TBCK: variants seen among roughly 807,000 people sequenced by gnomAD.
TBCK encodes the protein TBC1 domain containing kinase.
TBCK carries 99 observed loss-of-function variants against 113.4 expected under a neutral mutation model. The ratio of observed to expected loss-of-function variants is 0.87; its 90% CI spans 0.74 to 1.03. TBCK has a LOEUF of 1.03. TBCK is among the 50% of genes least tolerant of loss of function. The pLI, the probability that TBCK is intolerant of heterozygous loss-of-function variation, is 0.00. For missense variants in TBCK, 1,045 were observed against 1,061.3 expected (o/e 0.98, Z 0.21); for synonymous variants, 369 against 370.8 (o/e 1.00, Z 0.05).
chr4:106,272,494 T>A (rs1298113876), intron 3 of TBCK, among the ~76,000 whole-genome samples: 2 of 147,438 alleles, frequency 1.4e-5, no homozygotes, highest in Non-Finnish European at 3.0e-5. Flanking sequence ...TTTAATTTTT[T>A]TTTTTTTTTT....
chr4:106,234,835 G>A (rs761104700), intron 15 of TBCK, among the ~76,000 whole-genome samples: 2 of 152,008 alleles, frequency 1.3e-5, no homozygotes, highest in Non-Finnish European at 2.9e-5. Context: ...AGTCCAGGTG[G>A]AATAGGTGTG....
intron 19 of TBCK, among the ~76,000 whole-genome samples, chr4:106,224,121 A>G (rs1369312690): frequency 6.6e-6 from 1 of 152,104 alleles, no homozygotes; most frequent in East Asian, 1.9e-4. Flanking sequence ...AATTTATTAT[A>G]TCTTAAATAT....
At chr4:106,094,410 T>C (rs977442355) in intron 25 of TBCK, among the ~76,000 whole-genome samples, 19 of 152,302 alleles carry the variant, frequency 1.2e-4, no homozygotes, top group Non-Finnish European at 2.2e-4. Context: ...ATTTCCTTTT[T>C]TGGTCTCTCT....
intron 24 of TBCK, among the ~76,000 whole-genome samples, chr4:106,111,504 T>C (rs2149555681): frequency 6.6e-6 from 1 of 152,352 alleles, no homozygotes; most frequent in Non-Finnish European, 1.5e-5. Flanking sequence ...CTGATTTCAT[T>C]GGAAAGTGCT....
intron 23 of TBCK, among the ~76,000 whole-genome samples, chr4:106,162,076 C>T (rs1459637280): frequency 2.0e-5 from 3 of 152,130 alleles, no homozygotes; most frequent in Non-Finnish European, 4.4e-5. Flanking sequence ...AAGTTAGTTA[C>T]TTCCTAGATA....
At chr4:106,087,664 G>A (rs1345657748) in intron 25 of TBCK, among the ~76,000 whole-genome samples, 1 of 152,186 alleles carries the variant, frequency 6.6e-6, no homozygotes, top group Non-Finnish European at 1.5e-5. Flanking sequence ...GAGGCATCAT[G>A]CTAGATGACT....
chr4:106,264,203 A>G (rs1306159130), intron 3 of TBCK, among the ~76,000 whole-genome samples: 1 of 150,946 alleles, frequency 6.6e-6, no homozygotes, highest in Admixed American at 6.6e-5. Context: ...GGTGAAACAA[A>G]TAAGTAAATA....
At chr4:106,048,773 A>G (rs1734483458) in intron 25 of TBCK, among the ~76,000 whole-genome samples, 1 of 152,124 alleles carries the variant, frequency 6.6e-6, no homozygotes. Context: ...CATGCAACTA[A>G]TCTCCCTTAA....
At chr4:106,075,387 G>GAAGAA (rs761369226) in intron 25 of TBCK, among the ~76,000 whole-genome samples, 1 of 152,214 alleles carries the variant, frequency 6.6e-6, no homozygotes, top group Non-Finnish European at 1.5e-5. Flanking sequence ...AGGACGTGAA[G>GAAGAA]AAGAAAGAAT....
At chr4:106,287,606 C>T (rs1202429274) in intron 3 of TBCK, among the ~76,000 whole-genome samples, 1 of 152,206 alleles carries the variant, frequency 6.6e-6, no homozygotes, top group South Asian at 2.1e-4. Flanking sequence ...GCCACTGTAG[C>T]TTCCACCTTG....
At chr4:106,252,053 A>G in intron 5 of TBCK, 46 bp from the exon 6 acceptor site, 1 of 1,485,020 alleles carries the variant, frequency 6.7e-7, no homozygotes, top group South Asian at 1.3e-5. Flanking sequence ...CAGGGAAAGA[A>G]GCGATAGTAC....
chr4:106,243,497 A>C (rs779441522), intron 11 of TBCK, among the ~76,000 whole-genome samples: 7 of 152,128 alleles, frequency 4.6e-5, no homozygotes, highest in Non-Finnish European at 8.8e-5. Flanking sequence ...CTTACCTCTA[A>C]CTTTCTACTT....
At chr4:106,101,330 C>T (rs1284807086) in intron 24 of TBCK, among the ~76,000 whole-genome samples, 3 of 152,106 alleles carry the variant, frequency 2.0e-5, no homozygotes, top group Admixed American at 6.5e-5. Flanking sequence ...TATACTCCCA[C>T]ATTATACAAA....
At chr4:106,154,942 A>G (rs1170330630) in intron 23 of TBCK, among the ~76,000 whole-genome samples, 1 of 151,438 alleles carries the variant, frequency 6.6e-6, no homozygotes, top group East Asian at 1.9e-4. Flanking sequence ...TCTGTGTACT[A>G]TTACTAGTGA....
chr4:106,171,410 A>C, intron 22 of TBCK, 140 bp from the exon 23 acceptor site: 1 of 629,192 alleles, frequency 1.6e-6, no homozygotes, highest in East Asian at 3.0e-5. Context: ...AGTAAAAAAA[A>C]CAATGTATAT....
intron 25 of TBCK, among the ~76,000 whole-genome samples, chr4:106,073,883 C>T (rs1035738780): frequency 2.0e-5 from 3 of 152,200 alleles, no homozygotes; most frequent in African/African-American, 7.2e-5. Flanking sequence ...GCTGTGCCAG[C>T]AGTGAGCAAG....
intron 23 of TBCK, among the ~76,000 whole-genome samples, chr4:106,157,002 T>C (rs1440674369): frequency 6.6e-6 from 1 of 152,180 alleles, no homozygotes; most frequent in Non-Finnish European, 1.5e-5. Flanking sequence ...CAGAGTGGCA[T>C]ACTACCTGGG....
intron 17 of TBCK, 62 bp from the exon 18 acceptor site, chr4:106,231,841 T>C (rs553426065): frequency 1.4e-6 from 2 of 1,398,920 alleles, no homozygotes; most frequent in South Asian, 1.2e-5. Flanking sequence ...ATTGAAGATA[T>C]ATACCTTATT....
intron 3 of TBCK, among the ~76,000 whole-genome samples, chr4:106,262,821 T>C (rs1047681401): frequency 3.9e-5 from 6 of 151,920 alleles, no homozygotes; most frequent in African/African-American, 1.4e-4. Flanking sequence ...ACCATCTCCC[T>C]AATTTTTTTT....
Sources: gnomAD v4.1 joint callset for allele counts (sites outside exome capture counted in the v4.1 genomes callset) on GRCh38, gnomAD v4.1.1 for gene constraint, MANE v1.5 for transcripts, NCBI Gene and HGNC (gene_info 2026-07-23, HGNC 2026-07-21) for gene names.